The following OTC variants were observed in gnomAD, a reference collection of about 807,000 sequenced individuals.
OTC encodes the protein ornithine transcarbamylase.
In OTC, 3 loss-of-function variants were observed where a neutral mutation model predicts 30.3. That is an observed-to-expected ratio of 0.10 (90% CI 0.05 to 0.26). The LOEUF (loss-of-function observed/expected upper bound fraction) is 0.26, where lower values mean the gene tolerates loss of function less well. Ranked by LOEUF, OTC falls within the 10% of genes least tolerant of loss-of-function variation. OTC has a pLI of 1.00. For synonymous variants in OTC, 111 were observed against 99.7 expected (o/e 1.11, Z -0.67); for missense variants, 194 against 260.3 (o/e 0.75, Z 1.75).
Position 38,401,265 on chromosome X carries a change from T to C in OTC, c.387-10T>C. The C allele has an allele frequency of 8.4e-7, 1 of 1,191,123 alleles. No homozygotes were observed. The highest frequency in any genetic ancestry group is 1.1e-6 in the Non-Finnish European group (1 of 876,873). On this transcript the variant is annotated splice_polypyrimidine_tract_variant and intron_variant, in intron 4 of 9. Coordinates refer to ENST00000039007, the MANE Select transcript of OTC (RefSeq NM_000531.6). ...TTATCTTAGATTATCTTTTTCTTGGTTTGCCACAGTGTATTGTCTAGCATG... is the reference window on the plus strand; with the variant it reads ...TTATCTTAGATTATCTTTTTCTTGGCTTGCCACAGTGTATTGTCTAGCATG...
intron 9 of OTC, among the ~76,000 whole-genome samples, chrX:38,416,649 T>C (rs144442895): frequency 0.021 from 2,408 of 112,217 alleles, 66 homozygotes; most frequent in African/African-American, 0.072. Context: ...TAAATTTGAA[T>C]TTTGGATAAA....
At chrX:38,386,382 A>ATATAT (rs1293229285) in intron 4 of OTC, among the ~76,000 whole-genome samples, 7 of 73,760 alleles carry the variant, frequency 9.5e-5, no homozygotes, top group Non-Finnish European at 1.1e-4. Context: ...CAAAAAAAAA[A>ATATAT]AAAAATATAT....
chrX:38,392,990 C>T (rs1175045909), intron 4 of OTC, among the ~76,000 whole-genome samples: 1 of 112,218 alleles, frequency 8.9e-6, no homozygotes, highest in Non-Finnish European at 1.9e-5. Flanking sequence ...AAGTCAACGG[C>T]GTAAATAGCC....
chrX:38,380,089 A>G (rs1181175403), intron 3 of OTC, among the ~76,000 whole-genome samples: 1 of 111,984 alleles, frequency 8.9e-6, no homozygotes, highest in Non-Finnish European at 1.9e-5. Flanking sequence ...CCAAAAAATA[A>G]GGATATTGTC....
the OTC span, among the ~76,000 whole-genome samples, chrX:38,329,160 T>G: frequency 8.9e-6 from 1 of 111,881 alleles, no homozygotes; most frequent in Non-Finnish European, 1.9e-5. Context: ...GATGCAGCCC[T>G]ACTCCAAGGT....
At chrX:38,347,053 C>G in the OTC span, among the ~76,000 whole-genome samples, 1 of 112,054 alleles carries the variant, frequency 8.9e-6, no homozygotes, top group Non-Finnish European at 1.9e-5. Context: ...AACTGACTTC[C>G]CCAAGGTTAT....
chrX:38,393,938 A>G (rs1426530865), intron 4 of OTC, among the ~76,000 whole-genome samples: 1 of 111,217 alleles, frequency 9.0e-6, no homozygotes, highest in Non-Finnish European at 1.9e-5. Context: ...TCCATCTTCA[A>G]ACCTAGTGTC....
At chrX:38,377,955 G>T (rs2068357306) in intron 3 of OTC, among the ~76,000 whole-genome samples, 1 of 109,603 alleles carries the variant, frequency 9.1e-6, no homozygotes. Flanking sequence ...TCCTGCCTCA[G>T]CCTCCCGAGT....
chrX:38,407,656 C>G (rs1444042579), intron 6 of OTC, among the ~76,000 whole-genome samples: 1 of 111,061 alleles, frequency 9.0e-6, no homozygotes, highest in Admixed American at 9.6e-5. Flanking sequence ...GGGTGAAAGG[C>G]TGTGATGGCA....
rs72554303 is a variant in OTC, at chrX:38,367,288, C to T, written c.78-3C>T. 2.5e-6 allele frequency: 3 copies of T among 1,201,931 alleles called. No individual in the cohort carries two copies. The highest frequency in any genetic ancestry group is 3.0e-5 in the East Asian group (1 of 33,761). ...TTTCTCCCTTTTAAATCTCTTTTTACAGGTGTGGACAACCACTACAAAATA... is the reference window on the plus strand; with the variant it reads ...TTTCTCCCTTTTAAATCTCTTTTTATAGGTGTGGACAACCACTACAAAATA... On this transcript the variant is annotated splice_region_variant and splice_polypyrimidine_tract_variant and intron_variant, in intron 1 of 9. Transcript: ENST00000039007.
intron 4 of OTC, among the ~76,000 whole-genome samples, chrX:38,386,593 T>C (rs1294771194): frequency 9.0e-6 from 1 of 111,121 alleles, no homozygotes; most frequent in Admixed American, 9.6e-5. Context: ...CTTAGCATAA[T>C]GTTCTCCGCG....
intron 4 of OTC, among the ~76,000 whole-genome samples, chrX:38,392,086 TAGACA>T (rs202210996): frequency 0.18 from 19,507 of 111,467 alleles, 1,556 homozygotes; most frequent in Middle Eastern, 0.27. Flanking sequence ...TTTAAATATT[TAGACA>T]AAATAGGTTG....
chrX:38,389,377 A>G (rs1465541559), intron 4 of OTC, among the ~76,000 whole-genome samples: 1 of 89,958 alleles, frequency 1.1e-5, no homozygotes. Context: ...GGAGTGAACC[A>G]TTGTCATATT....
the OTC span, among the ~76,000 whole-genome samples, chrX:38,334,896 T>TA: frequency 9.0e-6 from 1 of 111,149 alleles, no homozygotes; most frequent in African/African-American, 3.3e-5. Context: ...GTCAGATGAA[T>TA]GAAGGCATTA....
chrX:38,384,034 G>A (rs1454562360), intron 4 of OTC, among the ~76,000 whole-genome samples: 1 of 112,044 alleles, frequency 8.9e-6, no homozygotes, highest in Non-Finnish European at 1.9e-5. Context: ...CTGCTTTGTG[G>A]AGAAAATGAC....
intron 3 of OTC, among the ~76,000 whole-genome samples, chrX:38,377,877 G>A (rs545950774): frequency 9.1e-6 from 1 of 109,873 alleles, no homozygotes; most frequent in African/African-American, 3.3e-5. Flanking sequence ...TCACTCTCTC[G>A]CCCTGGCTGC....
chrX:38,332,973 T>A, the OTC span, among the ~76,000 whole-genome samples: 2 of 110,941 alleles, frequency 1.8e-5, no homozygotes, highest in African/African-American at 6.6e-5. Flanking sequence ...ATCCCAGAAC[T>A]TTGGGAGGCT....
intron 1 of OTC, among the ~76,000 whole-genome samples, chrX:38,363,863 G>A (rs2068283150): frequency 9.0e-6 from 1 of 111,396 alleles, no homozygotes; most frequent in South Asian, 3.8e-4. Flanking sequence ...GGTGGCTCAC[G>A]TGCTGTAATT....
rs976152380 is a variant in OTC at position 38,392,886 on chromosome X, T to C, written c.387-8389T>C. The stretch of plus-strand genomic sequence containing the variant: ...GGGATATTCCGCACTCTTTGTCCTT[T>C]GTTTACAGTCCAATTTCATAACCTT... On this transcript the variant is annotated intron_variant, in intron 4 of 9. Transcript: ENST00000039007. 5.3e-5 allele frequency among the ~76,000 whole-genome samples: 6 copies of C among 112,636 alleles called. No homozygotes were observed. In the Admixed American group the frequency reaches 5.7e-4, roughly 11 times the overall value.
Sources: gnomAD v4.1 joint callset for allele counts (sites outside exome capture counted in the v4.1 genomes callset) on GRCh38, gnomAD v4.1.1 for gene constraint, MANE v1.5 for transcripts, NCBI Gene and HGNC (gene_info 2026-07-23, HGNC 2026-07-21) for gene names.